MED12L: variants seen among roughly 807,000 people sequenced by gnomAD.
MED12L encodes the protein mediator complex subunit 12L, also known as mediator of RNA polymerase II transcription subunit 12-like protein.
MED12L carries 60 observed loss-of-function variants against 281.3 expected under a neutral mutation model. The ratio of observed to expected loss-of-function variants is 0.21; its 90% CI spans 0.17 to 0.26. The LOEUF (loss-of-function observed/expected upper bound fraction) is 0.26. Among genes scored for constraint, MED12L ranks in the 10% least tolerant of loss-of-function variants. MED12L has a pLI of 1.00. For missense variants in MED12L, 2,146 were observed against 2,680.9 expected (o/e 0.80, Z 4.41); for synonymous variants, 974 against 987.2 (o/e 0.99, Z 0.25).
chr3:151,199,098 T>G, intron 16 of MED12L: 1 of 1,614,006 alleles, frequency 6.2e-7, no homozygotes, highest in Non-Finnish European at 8.5e-7. Flanking sequence ...AAATACATAT[T>G]GATATAGATG....
intron 16 of MED12L, chr3:151,294,725 A>G: frequency 1.9e-6 from 3 of 1,614,190 alleles, no homozygotes; most frequent in Non-Finnish European, 2.5e-6. Context: ...GATGTTTGGC[A>G]AAGACAAAAC....
At chr3:151,320,547 A>G (rs1748876881) in intron 16 of MED12L, among the ~76,000 whole-genome samples, 1 of 152,198 alleles carries the variant, frequency 6.6e-6, no homozygotes, top group African/African-American at 2.4e-5. Flanking sequence ...GATTGGTATC[A>G]TTGGGTCCCT....
chr3:151,436,477 T>TTAAG lies in MED12L; in HGVS notation c.*3675_*3678dup. The TTAAG allele has an allele frequency of 2.3e-6, 1 of 430,468 alleles. No homozygotes were observed. The highest frequency in any genetic ancestry group is 4.7e-5 in the South Asian group (1 of 21,218). 26.7% of individuals were successfully genotyped at this position (430,468 alleles called of 1,614,324 possible). On this transcript the variant is annotated 3_prime_UTR_variant, in exon 45 of 45. Coordinates refer to ENST00000687756, the MANE Select transcript of MED12L (RefSeq NM_001393769.1). ...TATTTGTTGGCAAAATAAAAGTGCC[T>TTAAG]TAAGTTAAAAGTTTGTTTTGAGATC...
intron 16 of MED12L, among the ~76,000 whole-genome samples, chr3:151,220,151 C>T (rs764120328): frequency 2.7e-5 from 4 of 148,598 alleles, no homozygotes; most frequent in South Asian, 2.2e-4. Context: ...ACCCAAGTTG[C>T]GGTAATCAAA....
intron 16 of MED12L, among the ~76,000 whole-genome samples, chr3:151,278,046 C>T (rs1185675713): frequency 1.3e-5 from 2 of 152,126 alleles, no homozygotes; most frequent in African/African-American, 2.4e-5. Flanking sequence ...TTGACAGCCA[C>T]GATTGGAAAT....
At chr3:151,185,250 A>G (rs2149072692) in intron 11 of MED12L, 80 bp from the exon 12 acceptor site, 1 of 1,424,186 alleles carries the variant, frequency 7.0e-7, no homozygotes, top group East Asian at 2.4e-5. Flanking sequence ...AGTGTTAGAT[A>G]TTCCCTTGCT....
intron 21 of MED12L, among the ~76,000 whole-genome samples, chr3:151,364,572 G>A (rs1344858853): frequency 1.3e-5 from 2 of 152,122 alleles, no homozygotes; most frequent in South Asian, 2.1e-4. Flanking sequence ...TGTAAGATAT[G>A]TAATTAAGAG....
chr3:151,432,812 AGAG>A lies in MED12L; in HGVS notation c.*12_*14del, dbSNP rs755044850. Reference sequence around the variant, plus strand: ...CATCCTTCACACTTCTGAATCTGCAAGAGGAGAAGACATGACGTTTTATGTTTG... The same window carrying A: ...CATCCTTCACACTTCTGAATCTGCAAGAGAAGACATGACGTTTTATGTTTG... On this transcript the variant is annotated 3_prime_UTR_variant, in exon 45 of 45. Transcript: ENST00000687756. The A allele has an allele frequency of 9.3e-6, 15 of 1,610,320 alleles. No homozygotes were observed. The highest frequency in any genetic ancestry group is 1.6e-4 in the Middle Eastern group (1 of 6,078).
At chr3:151,174,706 T>A (rs722133) in intron 11 of MED12L, among the ~76,000 whole-genome samples, 14,685 of 152,258 alleles carry the variant, frequency 0.096, 966 homozygotes, top group Middle Eastern at 0.17. Flanking sequence ...AATATTTTTT[T>A]AATTTTTTTT....
Position 151,389,815 on chromosome 3 carries a change from T to G in MED12L, c.5452-164T>G, listed in dbSNP as rs1299030037. On this transcript the variant is annotated intron_variant, in intron 37 of 44. Coordinates refer to ENST00000687756, the MANE Select transcript of MED12L (RefSeq NM_001393769.1). ...GAAAAGTTTACCTCAAATGAATATT[T>G]CCAGGGGATTTATTAGCACTCTTCC... Among the ~76,000 whole-genome samples the G allele has an allele frequency of 4.6e-5, 7 of 152,216 alleles. No individual in the cohort carries two copies. The East Asian group carries it at 1.2e-3, about 25-fold the overall frequency.
chr3:151,296,753 C>G (rs1463586980), intron 16 of MED12L, among the ~76,000 whole-genome samples: 1 of 151,914 alleles, frequency 6.6e-6, no homozygotes, highest in African/African-American at 2.4e-5. Flanking sequence ...ATAGATTCAC[C>G]TTTTGGAGGT....
intron 16 of MED12L, among the ~76,000 whole-genome samples, chr3:151,310,787 A>G (rs925826466): frequency 6.6e-6 from 1 of 152,228 alleles, no homozygotes; most frequent in Non-Finnish European, 1.5e-5. Context: ...TGTTGTTGGA[A>G]CCAGAAAGAT....
intron 8 of MED12L, among the ~76,000 whole-genome samples, chr3:151,161,751 A>G (rs1310325636): frequency 6.6e-6 from 1 of 152,218 alleles, no homozygotes; most frequent in East Asian, 1.9e-4. Context: ...CAAAGCTGGA[A>G]TCCAAACCAA....
intron 16 of MED12L, chr3:151,317,043 A>C (rs974747809): frequency 6.7e-6 from 1 of 149,614 alleles, no homozygotes; most frequent in South Asian, 2.1e-4. Context: ...TTTTTAGGTC[A>C]TTTTTTTTTT....
intron 31 of MED12L, among the ~76,000 whole-genome samples, chr3:151,379,234 TGCCTAACTTCCCA>T (rs1400463917): frequency 2.6e-5 from 4 of 152,250 alleles, no homozygotes; most frequent in Non-Finnish European, 4.4e-5. Context: ...GTATGTGCAT[TGCCTAACTTCCCA>T]TAGGCAGGAC....
Position 151,243,482 on chromosome 3 carries a change from A to G in MED12L, c.2250+49816A>G, listed in dbSNP as rs186876658. 1.4e-3 allele frequency among the ~76,000 whole-genome samples: 210 copies of G among 152,310 alleles called. 3 individuals carry two copies. In the East Asian group the frequency reaches 0.037, roughly 27 times the overall value. ...ATATTCAACATTCTTAAAGACAAGAATTTTCAACCTGGAATTTCATATCCA... is the reference window on the plus strand; with the variant it reads ...ATATTCAACATTCTTAAAGACAAGAGTTTTCAACCTGGAATTTCATATCCA... On this transcript the variant is annotated intron_variant, in intron 16 of 44. Coordinates refer to ENST00000687756, the MANE Select transcript of MED12L (RefSeq NM_001393769.1).
intron 16 of MED12L, among the ~76,000 whole-genome samples, chr3:151,273,119 C>T (rs1344261429): frequency 6.6e-6 from 1 of 152,032 alleles, no homozygotes; most frequent in Admixed American, 6.6e-5. Flanking sequence ...AATATTCAAC[C>T]TCTGTATCTC....
Position 151,301,256 on chromosome 3 carries a change from T to C in MED12L, c.2251-48803T>C, listed in dbSNP as rs140067456. 6.5e-3 allele frequency among the ~76,000 whole-genome samples: 987 copies of C among 152,344 alleles called. 7 individuals are homozygous for C. Among genetic ancestry groups the C allele is most frequent in the Non-Finnish European group, 9.9e-3 (674 of 68,018 alleles). Reference sequence around the variant, plus strand: ...AGAATGACTGACGCAGTTAATTTTCTAGACTTTATAATAATGATCTTTGGA... The same window carrying C: ...AGAATGACTGACGCAGTTAATTTTCCAGACTTTATAATAATGATCTTTGGA... On this transcript the variant is annotated intron_variant, in intron 16 of 44. Coordinates refer to ENST00000687756, the MANE Select transcript of MED12L (RefSeq NM_001393769.1).
intron 43 of MED12L, among the ~76,000 whole-genome samples, chr3:151,416,724 C>T (rs888930569): frequency 2.6e-5 from 4 of 152,096 alleles, no homozygotes; most frequent in East Asian, 1.9e-4. Flanking sequence ...AATGATAAAA[C>T]GATGATTTAC....
Sources: gnomAD v4.1 joint callset for allele counts (sites outside exome capture counted in the v4.1 genomes callset) on GRCh38, gnomAD v4.1.1 for gene constraint, MANE v1.5 for transcripts, NCBI Gene and HGNC (gene_info 2026-07-23, HGNC 2026-07-21) for gene names.